Variants in TLL2 observed in about 807,000 individuals in gnomAD.
The protein encoded by TLL2 is tolloid like 2.
A neutral mutation model predicts 123.0 loss-of-function variants in TLL2; 106 were observed. The observed-to-expected ratio is 0.86, with a 90% confidence interval of 0.74 to 1.01. TLL2 has a LOEUF of 1.01. TLL2 is among the 50% of genes least tolerant of loss of function. The pLI, the probability that TLL2 is intolerant of heterozygous loss-of-function variation, is 0.00. For synonymous variants in TLL2, 494 were observed against 516.8 expected, an observed-to-expected ratio of 0.96 and a Z score of 0.60; for missense variants, 1,332 against 1,336.7, an observed-to-expected ratio of 1.00 and a Z score of 0.06.
At chr10:96,502,871 CAA>C (rs1847547747) in intron 1 of TLL2, among the ~76,000 whole-genome samples, 1 of 152,096 alleles carries the variant, frequency 6.6e-6, no homozygotes, top group African/African-American at 2.4e-5. Context: ...GCAGAGCAGG[CAA>C]AGACTCAGGG....
chr10:96,367,962 T>C lies in TLL2; in HGVS notation c.*126A>G. On this transcript the variant is annotated 3_prime_UTR_variant, in exon 21 of 21. Coordinates refer to ENST00000357947, the MANE Select transcript of TLL2 (RefSeq NM_012465.4). ...TCAAATATATACCTCTAAGGCTGGA[T>C]TCTGAGTTTTTGTTTGAGAAAAATA... The C allele has an allele frequency of 8.4e-7, 1 of 1,186,642 alleles. No individual in the cohort carries two copies. The highest frequency in any genetic ancestry group is 1.6e-5 in the South Asian group (1 of 61,014). 73.5% of individuals were successfully genotyped at this position (1,186,642 alleles called of 1,614,324 possible).
chr10:96,462,698 A>G (rs1351679005), intron 2 of TLL2, among the ~76,000 whole-genome samples: 1 of 152,210 alleles, frequency 6.6e-6, no homozygotes. Flanking sequence ...TAGGTCATTA[A>G]CATTGGATTC....
chr10:96,429,287 T>G (rs1331108301), intron 4 of TLL2, among the ~76,000 whole-genome samples: 1 of 151,768 alleles, frequency 6.6e-6, no homozygotes, highest in Non-Finnish European at 1.5e-5. Flanking sequence ...ATTATGGTGA[T>G]CGAGACATAA....
At chr10:96,449,313 A>G (rs1370909777) in intron 2 of TLL2, among the ~76,000 whole-genome samples, 1 of 152,216 alleles carries the variant, frequency 6.6e-6, no homozygotes, top group African/African-American at 2.4e-5. Flanking sequence ...AGAAAGAACG[A>G]AGAGAACAAG....
chr10:96,487,397 C>G (rs1847367755), intron 1 of TLL2, among the ~76,000 whole-genome samples: 1 of 151,956 alleles, frequency 6.6e-6, no homozygotes, highest in Non-Finnish European at 1.5e-5. Context: ...TATTTGCCCT[C>G]CCACCCCGAC....
At position 96,401,284 on chromosome 10, in the gene TLL2, C is replaced by T. The variant is rs964927471; in HGVS notation, c.1267+3948G>A. 2.6e-5 allele frequency among the ~76,000 whole-genome samples: 4 copies of T among 152,156 alleles called. 1 individual carries two copies. Among genetic ancestry groups the T allele is most frequent in the Non-Finnish European group, 5.9e-5 (4 of 68,026 alleles). Reference sequence around the variant, plus strand: ...CAAGATGCGTACTTTCACAATCCACCCTAATCCGCTCTCCCTCCTGCCAAA... The same window carrying T: ...CAAGATGCGTACTTTCACAATCCACTCTAATCCGCTCTCCCTCCTGCCAAA... On this transcript the variant is annotated intron_variant, in intron 10 of 20. Transcript: ENST00000357947.
intron 9 of TLL2, among the ~76,000 whole-genome samples, chr10:96,407,029 C>T (rs1012411026): frequency 3.3e-5 from 5 of 152,072 alleles, no homozygotes; most frequent in Non-Finnish European, 7.4e-5. Context: ...TTTCTACACA[C>T]TGGGGCTTCT....
chr10:96,433,382 A>C, intron 3 of TLL2, among the ~76,000 whole-genome samples: 1 of 152,216 alleles, frequency 6.6e-6, no homozygotes, highest in East Asian at 1.9e-4. Context: ...TGGCCAGTAC[A>C]ACAAGGAGAG....
chr10:96,451,357 C>T (rs911271246), intron 2 of TLL2, among the ~76,000 whole-genome samples: 3 of 152,182 alleles, frequency 2.0e-5, no homozygotes, highest in Non-Finnish European at 4.4e-5. Context: ...GTACACACAA[C>T]GCCCCTCCAC....
At chr10:96,397,073 C>T (rs888010081) in intron 11 of TLL2, 113 bp downstream of exon 11, 46 of 920,746 alleles carry the variant, frequency 5.0e-5, no homozygotes, top group Non-Finnish European at 7.3e-5. Context: ...TGGCTGCCCC[C>T]ACCCCTGTGG....
intron 13 of TLL2, among the ~76,000 whole-genome samples, chr10:96,388,283 C>T (rs1846256514): frequency 6.6e-6 from 1 of 152,116 alleles, no homozygotes. Flanking sequence ...TGCCTGTAAT[C>T]CCAGCTACTC....
At chr10:96,401,556 G>A in intron 10 of TLL2, among the ~76,000 whole-genome samples, 2 of 145,966 alleles carry the variant, frequency 1.4e-5, no homozygotes, top group African/African-American at 2.6e-5. Context: ...GGTAAAATAT[G>A]AGCCAAAAAA....
At chr10:96,512,688 T>C (rs7896621) in intron 1 of TLL2, among the ~76,000 whole-genome samples, 5,057 of 152,338 alleles carry the variant, frequency 0.033, 285 homozygotes, top group African/African-American at 0.11. Flanking sequence ...CTGTCCGTGC[T>C]GGAACTGCCC....
chr10:96,384,158 G>A (rs986601741), intron 16 of TLL2, among the ~76,000 whole-genome samples: 1 of 152,128 alleles, frequency 6.6e-6, no homozygotes, highest in Non-Finnish European at 1.5e-5. Flanking sequence ...GAAGAAGGAA[G>A]GGCATGTGAA....
At chr10:96,382,503 G>A (rs891647893) in intron 16 of TLL2, among the ~76,000 whole-genome samples, 1 of 152,240 alleles carries the variant, frequency 6.6e-6, no homozygotes, top group African/African-American at 2.4e-5. Flanking sequence ...CAATCAATGT[G>A]CTAAGAGGGT....
chr10:96,474,256 C>G (rs1683906787), intron 2 of TLL2, among the ~76,000 whole-genome samples: 1 of 152,148 alleles, frequency 6.6e-6, no homozygotes, highest in Non-Finnish European at 1.5e-5. Flanking sequence ...TCCAGCAGCC[C>G]CATGACAAGG....
At chr10:96,459,368 C>T (rs1191393898) in intron 2 of TLL2, among the ~76,000 whole-genome samples, 1 of 151,942 alleles carries the variant, frequency 6.6e-6, no homozygotes, top group Non-Finnish European at 1.5e-5. Flanking sequence ...GTTGCTCACA[C>T]CTGTAATCCC....
intron 16 of TLL2, among the ~76,000 whole-genome samples, chr10:96,379,655 CT>C (rs1846168765): frequency 6.6e-6 from 1 of 152,092 alleles, no homozygotes; most frequent in Non-Finnish European, 1.5e-5. Context: ...AACCCTGCCT[CT>C]ACTAAAAATA....
intron 2 of TLL2, among the ~76,000 whole-genome samples, chr10:96,455,434 C>T (rs951828619): frequency 2.0e-5 from 3 of 152,234 alleles, no homozygotes; most frequent in South Asian, 2.1e-4. Context: ...CTGAGGCCTA[C>T]TGGGCTGCAT....
Sources: allele counts gnomAD v4.1 joint callset (sites outside exome capture counted in the v4.1 genomes callset), GRCh38; gene constraint gnomAD v4.1.1; transcripts MANE v1.5; gene names NCBI Gene and HGNC (gene_info 2026-07-23, HGNC 2026-07-21).